PTPRM: variants seen among roughly 807,000 people sequenced by gnomAD.
PTPRM encodes the protein protein tyrosine phosphatase receptor type M.
A neutral mutation model predicts 186.7 loss-of-function variants in PTPRM; 47 were observed. The ratio of observed to expected loss-of-function variants is 0.25; its 90% CI spans 0.20 to 0.32. The LOEUF (loss-of-function observed/expected upper bound fraction) is 0.32. PTPRM is among the 10% of genes least tolerant of loss of function. PTPRM has a pLI of 1.00. For synonymous variants in PTPRM, 668 were observed against 674.9 expected, an observed-to-expected ratio of 0.99 and a Z score of 0.16; for missense variants, 1,494 against 1,865.0, an observed-to-expected ratio of 0.80 and a Z score of 3.66.
At chr18:7,639,172 T>A (rs1262864988) in intron 1 of PTPRM, among the ~76,000 whole-genome samples, 4 of 152,130 alleles carry the variant, frequency 2.6e-5, no homozygotes, top group Admixed American at 2.0e-4. Flanking sequence ...CCTCCAGGGT[T>A]CACGCCATTC....
chr18:7,999,420 A>G (rs1274215988), intron 7 of PTPRM, among the ~76,000 whole-genome samples: 1 of 152,090 alleles, frequency 6.6e-6, no homozygotes, highest in Non-Finnish European at 1.5e-5. Flanking sequence ...AATGATACAG[A>G]TGATAGTATC....
At chr18:8,298,441 G>C (rs920450078) in intron 20 of PTPRM, among the ~76,000 whole-genome samples, 1 of 152,190 alleles carries the variant, frequency 6.6e-6, no homozygotes, top group African/African-American at 2.4e-5. Context: ...GAATGTCAAG[G>C]GGTGTAGCCT....
intron 7 of PTPRM, among the ~76,000 whole-genome samples, chr18:7,977,170 A>G (rs1599822779): frequency 6.6e-6 from 1 of 151,686 alleles, no homozygotes; most frequent in Non-Finnish European, 1.5e-5. Context: ...GCTCACTGCA[A>G]CCTCCACCTC....
intron 7 of PTPRM, among the ~76,000 whole-genome samples, chr18:8,026,778 A>C (rs2085598285): frequency 6.6e-6 from 1 of 152,156 alleles, no homozygotes. Context: ...GAATCACTTT[A>C]ACCCAGTAGG....
intron 1 of PTPRM, among the ~76,000 whole-genome samples, chr18:7,733,794 A>G (rs4429368): frequency 0.048 from 7,383 of 152,256 alleles, 452 homozygotes; most frequent in East Asian, 0.13. Context: ...TGCATAAGGC[A>G]CAAATTCCTG....
intron 7 of PTPRM, among the ~76,000 whole-genome samples, chr18:8,036,628 T>C (rs2086348296): frequency 1.3e-5 from 2 of 152,184 alleles, no homozygotes; most frequent in South Asian, 4.1e-4. Context: ...TATACACAGA[T>C]TAAAAGTTAT....
intron 7 of PTPRM, among the ~76,000 whole-genome samples, chr18:8,004,213 C>T (rs942895042): frequency 6.6e-6 from 1 of 152,134 alleles, no homozygotes; most frequent in African/African-American, 2.4e-5. Context: ...AAAGCAACCA[C>T]TTACTTACAG....
At chr18:8,110,807 G>A (rs3794959) in intron 11 of PTPRM, among the ~76,000 whole-genome samples, 71,136 of 152,012 alleles carry the variant, frequency 0.47, 17,627 homozygotes, top group African/African-American at 0.62. Flanking sequence ...CAACATTATC[G>A]TCTATAACTC....
At chr18:8,374,492 T>C (rs1478000056) in intron 24 of PTPRM, among the ~76,000 whole-genome samples, 1 of 152,110 alleles carries the variant, frequency 6.6e-6, no homozygotes, top group African/African-American at 2.4e-5. Flanking sequence ...TGGGGGAGCT[T>C]TCTAGGGGTT....
At chr18:7,881,217 C>A (rs2048490025) in intron 2 of PTPRM, among the ~76,000 whole-genome samples, 1 of 152,002 alleles carries the variant, frequency 6.6e-6, no homozygotes, top group Non-Finnish European at 1.5e-5. Flanking sequence ...AGTGGATCAC[C>A]TGAGGTCAGG....
At chr18:8,164,381 A>C (rs538600008) in intron 14 of PTPRM, among the ~76,000 whole-genome samples, 6 of 152,358 alleles carry the variant, frequency 3.9e-5, no homozygotes, top group African/African-American at 1.4e-4. Flanking sequence ...CAGGGACTCA[A>C]ACAAATATTT....
intron 11 of PTPRM, among the ~76,000 whole-genome samples, chr18:8,098,937 T>G (rs991364600): frequency 2.6e-5 from 4 of 152,164 alleles, no homozygotes; most frequent in Non-Finnish European, 4.4e-5. Context: ...AGACTTCCTC[T>G]AATGGGGAAG....
At chr18:8,110,232 T>C (rs1327922674) in intron 11 of PTPRM, among the ~76,000 whole-genome samples, 1 of 152,070 alleles carries the variant, frequency 6.6e-6, no homozygotes, top group African/African-American at 2.4e-5. Flanking sequence ...CTTTTGAAAA[T>C]AGTGATAAAA....
chr18:7,896,883 T>G (rs528992193), intron 3 of PTPRM, among the ~76,000 whole-genome samples: 2 of 152,348 alleles, frequency 1.3e-5, no homozygotes, highest in African/African-American at 4.8e-5. Context: ...TTTTCACATT[T>G]TGCTGCAAAC....
intron 7 of PTPRM, among the ~76,000 whole-genome samples, chr18:8,019,166 G>C (rs1364192559): frequency 6.6e-6 from 1 of 152,216 alleles, no homozygotes; most frequent in African/African-American, 2.4e-5. Flanking sequence ...CTGTTGTGCA[G>C]TGTCAGTCCC....
At chr18:8,399,971 GT>G (rs1346520757) in intron 32 of PTPRM, 1 of 152,334 alleles carries the variant, frequency 6.6e-6, no homozygotes, top group East Asian at 1.9e-4. Context: ...CCTTCGCTGG[GT>G]TGATTTGTTA....
chr18:8,041,391 T>C (rs16952776), intron 7 of PTPRM, among the ~76,000 whole-genome samples: 4,770 of 152,174 alleles, frequency 0.031, 229 homozygotes, highest in African/African-American at 0.11. Flanking sequence ...TTGGTGGGGC[T>C]TTGAAGTTAA....
intron 5 of PTPRM, among the ~76,000 whole-genome samples, chr18:7,936,545 G>A (rs1474788457): frequency 6.6e-6 from 1 of 152,194 alleles, no homozygotes; most frequent in Admixed American, 6.5e-5. Flanking sequence ...ACAAGCATGG[G>A]AGGAAGGCTG....
chr18:8,379,969 T>C (rs1394375887), intron 28 of PTPRM, among the ~76,000 whole-genome samples: 1 of 152,230 alleles, frequency 6.6e-6, no homozygotes, highest in Non-Finnish European at 1.5e-5. Context: ...CTTTTAATTA[T>C]GTGTAATTTT....
Sources: gnomAD v4.1 joint callset for allele counts (sites outside exome capture counted in the v4.1 genomes callset) on GRCh38, gnomAD v4.1.1 for gene constraint, MANE v1.5 for transcripts, NCBI Gene and HGNC (gene_info 2026-07-23, HGNC 2026-07-21) for gene names.